Variants in CPSF3 observed in about 807,000 individuals in gnomAD.
CPSF3 encodes cleavage and polyadenylation specificity factor subunit 3.
In CPSF3, 57 loss-of-function variants were observed where a neutral mutation model predicts 84.1. The observed-to-expected ratio is 0.68, with a 90% confidence interval of 0.55 to 0.85. The LOEUF is 0.85. Among genes scored for constraint, CPSF3 ranks in the 40% least tolerant of loss-of-function variants. CPSF3 has a pLI of 0.00. For synonymous variants in CPSF3, 275 were observed against 278.1 expected (o/e 0.99, Z 0.11); for missense variants, 522 against 838.8 (o/e 0.62, Z 4.66).
At chr2:9,449,379 TCG>T (rs1681238781) in intron 11 of CPSF3, among the ~76,000 whole-genome samples, 2 of 152,048 alleles carry the variant, frequency 1.3e-5, no homozygotes, top group African/African-American at 2.4e-5. Flanking sequence ...TGAGCTGCGA[TCG>T]CGCCAATGCA....
intron 10 of CPSF3, among the ~76,000 whole-genome samples, chr2:9,445,793 T>C (rs563450798): frequency 1.3e-5 from 2 of 152,368 alleles, no homozygotes; most frequent in South Asian, 4.1e-4. Context: ...TGGGTTGAAC[T>C]TCATGCTCAT....
intron 14 of CPSF3, among the ~76,000 whole-genome samples, chr2:9,458,274 G>C (rs887390760): frequency 1.3e-5 from 2 of 151,990 alleles, no homozygotes; most frequent in Non-Finnish European, 2.9e-5. Flanking sequence ...CGTGGTGGCA[G>C]GCACCTAAAA....
chr2:9,428,146 G>A (rs1019896922), intron 1 of CPSF3, among the ~76,000 whole-genome samples: 7 of 151,534 alleles, frequency 4.6e-5, no homozygotes, highest in Non-Finnish European at 7.4e-5. Flanking sequence ...ACAGGTGTCC[G>A]CCACCACGCC....
At chr2:9,463,156 ATCCCATAGGG>A (rs1681789667) in intron 15 of CPSF3, among the ~76,000 whole-genome samples, 1 of 152,188 alleles carries the variant, frequency 6.6e-6, no homozygotes, top group Non-Finnish European at 1.5e-5. Flanking sequence ...AGTTGGGCAG[ATCCCATAGGG>A]TCTTGTTGGC....
rs199981922 is a variant in CPSF3 at position 9,455,654 on chromosome 2, T to G, written c.1505-5T>G. 3 of 1,606,956 alleles carry G rather than the reference T, an allele frequency of 1.9e-6. No homozygotes were observed. Among genetic ancestry groups the G allele is most frequent in the Non-Finnish European group, 2.6e-6 (3 of 1,174,520 alleles). On this transcript the variant is annotated splice_polypyrimidine_tract_variant and splice_region_variant and intron_variant, in intron 12 of 17. Coordinates refer to ENST00000238112, the MANE Select transcript of CPSF3 (RefSeq NM_016207.4). ...TCTTCAAGTCTCTTCTCATTTTCTC[T>G]TCAGATTATACTGACCTGGCCATGA...
rs750067417 is a variant in CPSF3 at position 9,428,800 on chromosome 2, T to G, written c.86T>G (p.Ile29Ser). ...CAAGAAGTAGGAAGATCATGTATTA[T>G]TCTCGAGTTCAAAGGAAGAAAAATA... ...AGQEVGRSCI[I>S]LEFKGRKIML... The change falls in exon 2 of 18, where the codon ATT (isoleucine) becomes AGT (serine). Residue 29 changes from isoleucine to serine, a missense_variant. Physicochemically the swap from Ile to Ser is moderately radical, Grantham distance 142. Around this residue, in one of 2 missense-constraint regions of CPSF3, gnomAD observed 329 missense variants for 607.2 expected, o/e 0.54. Transcript: ENST00000238112. 3.1e-6 allele frequency: 5 copies of G among 1,603,936 alleles called. No individual in the cohort carries two copies.
intron 7 of CPSF3, among the ~76,000 whole-genome samples, chr2:9,437,931 G>A (rs1246087941): frequency 6.6e-6 from 1 of 152,246 alleles, no homozygotes; most frequent in African/African-American, 2.4e-5. Context: ...GAGCCTGGGA[G>A]GTAGAGGTTG....
chr2:9,432,433 C>A (rs1680623547), intron 4 of CPSF3, 78 bp from the exon 5 acceptor site: 3 of 948,056 alleles, frequency 3.2e-6, no homozygotes, highest in South Asian at 3.2e-5. Flanking sequence ...GAGATGTTAT[C>A]CACAATTTCT....
intron 13 of CPSF3, among the ~76,000 whole-genome samples, 196 bp downstream of exon 13, chr2:9,455,953 G>A (rs745716359): frequency 3.3e-5 from 5 of 151,238 alleles, no homozygotes; most frequent in Non-Finnish European, 4.4e-5. Flanking sequence ...TGACGGTCCT[G>A]GGAAAAAAAT....
At chr2:9,444,147 T>TATATAC (rs1553344388) in intron 10 of CPSF3, among the ~76,000 whole-genome samples, 1 of 141,232 alleles carries the variant, frequency 7.1e-6, no homozygotes, top group Non-Finnish European at 1.5e-5. Context: ...ATATTATATA[T>TATATAC]ATATATATAT....
chr2:9,445,033 C>T (rs537189074), intron 10 of CPSF3, among the ~76,000 whole-genome samples: 1 of 152,154 alleles, frequency 6.6e-6, no homozygotes, highest in South Asian at 2.1e-4. Flanking sequence ...CAGTTTTAAC[C>T]ATTTTTAAGT....
chr2:9,466,336 A>G (rs796469632), intron 15 of CPSF3, among the ~76,000 whole-genome samples: 10 of 46,328 alleles, frequency 2.2e-4, no homozygotes, highest in Admixed American at 3.6e-4. Flanking sequence ...AGACGCACGC[A>G]CACACGCGCG....
chr2:9,450,217 T>C (rs1254167480), intron 11 of CPSF3, among the ~76,000 whole-genome samples: 1 of 150,236 alleles, frequency 6.7e-6, no homozygotes, highest in Non-Finnish European at 1.5e-5. Context: ...AATGGTGCCA[T>C]CTCGGCTCAC....
chr2:9,472,215 G>T (rs1031238921), intron 17 of CPSF3, among the ~76,000 whole-genome samples: 1 of 151,008 alleles, frequency 6.6e-6, no homozygotes, highest in African/African-American at 2.4e-5. Context: ...GGGAGGCTAA[G>T]GCAGGAGAAC....
In CPSF3 at chr2:9,463,384, G is replaced by A. The variant is rs571121313; in HGVS notation, c.1786+3766G>A. On this transcript the variant is annotated intron_variant, in intron 15 of 17. Transcript: ENST00000238112. ...GTGGCAGACAGTGGCTCAGATTAGG[G>A]TGGAAGTCATGGGGATATCGCAAAG... Among the ~76,000 whole-genome samples the A allele has an allele frequency of 1.5e-3, 229 of 152,336 alleles. 1 individual carries two copies. Among genetic ancestry groups the A allele is most frequent in the Middle Eastern group, 0.01 (3 of 294 alleles).
chr2:9,429,257 C>T (rs1680494294), intron 2 of CPSF3, among the ~76,000 whole-genome samples: 1 of 152,214 alleles, frequency 6.6e-6, no homozygotes, highest in African/African-American at 2.4e-5. Flanking sequence ...TTGGCCAAGT[C>T]ACTTTGCTTC....
At chr2:9,442,931 AG>A (rs1681005038) in intron 9 of CPSF3, among the ~76,000 whole-genome samples, 1 of 152,098 alleles carries the variant, frequency 6.6e-6, no homozygotes, top group African/African-American at 2.4e-5. Context: ...AGGAGGCCAC[AG>A]CAGGTGGATC....
chr2:9,443,403 G>T, intron 9 of CPSF3, 112 bp from the exon 10 acceptor site: 3 of 994,852 alleles, frequency 3.0e-6, no homozygotes, highest in African/African-American at 1.6e-5. Context: ...ATGATTTTGT[G>T]CGTAAGGTCC....
intron 15 of CPSF3, among the ~76,000 whole-genome samples, chr2:9,463,012 G>A (rs1681781929): frequency 6.6e-6 from 1 of 152,194 alleles, no homozygotes; most frequent in Non-Finnish European, 1.5e-5. Flanking sequence ...TTTGACAGAT[G>A]TTTACTGAGC....
Sources: allele counts gnomAD v4.1 joint callset (sites outside exome capture counted in the v4.1 genomes callset), GRCh38; gene constraint gnomAD v4.1.1; regional missense constraint gnomAD v4.1.1; transcripts MANE v1.5; gene names NCBI Gene and HGNC (gene_info 2026-07-23, HGNC 2026-07-21).